The following TBCK variants were observed in gnomAD, a reference collection of about 807,000 sequenced individuals.
The protein encoded by TBCK is TBC domain-containing protein kinase-like protein.
A neutral mutation model predicts 113.4 loss-of-function variants in TBCK; 99 were observed. The observed-to-expected ratio is 0.87, with a 90% CI of 0.74 to 1.03. The LOEUF is 1.03. Ranked by LOEUF, TBCK falls within the 50% of genes least tolerant of loss-of-function variation. The pLI, the probability that TBCK is intolerant of heterozygous loss-of-function variation, is 0.00. For missense variants in TBCK, 1,045 were observed against 1,061.3 expected, an observed-to-expected ratio of 0.98 and a Z score of 0.21; for synonymous variants, 369 against 370.8, an observed-to-expected ratio of 1.00 and a Z score of 0.05.
At chr4:106,238,324 CAA>C (rs1209407184) in intron 12 of TBCK, among the ~76,000 whole-genome samples, 6 of 151,942 alleles carry the variant, frequency 3.9e-5, no homozygotes, top group Non-Finnish European at 4.4e-5. Context: ...TTATGGCAGA[CAA>C]GAGATTCTAA....
intron 23 of TBCK, among the ~76,000 whole-genome samples, chr4:106,154,264 ATATAT>A (rs976807706): frequency 5.3e-5 from 8 of 152,148 alleles, no homozygotes; most frequent in Non-Finnish European, 7.3e-5. Context: ...CTTTCAAATA[ATATAT>A]TATAATCCAT....
At chr4:106,238,721 G>A in intron 12 of TBCK, 1 of 152,128 alleles carries the variant, frequency 6.6e-6, no homozygotes, top group Non-Finnish European at 1.5e-5. Flanking sequence ...TGAACAAACT[G>A]AAAATCAAGA....
chr4:106,294,714 C>T (rs1475136767), intron 3 of TBCK, among the ~76,000 whole-genome samples: 15 of 151,934 alleles, frequency 9.9e-5, no homozygotes, highest in African/African-American at 3.6e-4. Flanking sequence ...ATCTCCTGAC[C>T]TTGTGATCCG....
At chr4:106,091,114 T>A (rs1740174944) in intron 25 of TBCK, among the ~76,000 whole-genome samples, 1 of 152,188 alleles carries the variant, frequency 6.6e-6, no homozygotes, top group Non-Finnish European at 1.5e-5. Flanking sequence ...TAAAAAAAGA[T>A]GGTTAACTGG....
At chr4:106,193,419 C>T (rs1262952080) in intron 22 of TBCK, among the ~76,000 whole-genome samples, 190 bp downstream of exon 22, 1 of 152,026 alleles carries the variant, frequency 6.6e-6, no homozygotes, top group Non-Finnish European at 1.5e-5. Flanking sequence ...GGGTATGACC[C>T]AGATTTGTAT....
intron 3 of TBCK, among the ~76,000 whole-genome samples, chr4:106,274,838 G>A (rs1763841304): frequency 6.6e-6 from 1 of 152,084 alleles, no homozygotes; most frequent in South Asian, 2.1e-4. Context: ...TCAATTTTAA[G>A]AATTCAAAAT....
chr4:106,190,575 A>C (rs1753545877), intron 22 of TBCK, among the ~76,000 whole-genome samples: 1 of 152,212 alleles, frequency 6.6e-6, no homozygotes, highest in African/African-American at 2.4e-5. Context: ...ACTTCAAGTA[A>C]ACTCAAAGCC....
At chr4:106,146,780 T>C (rs561021199) in intron 23 of TBCK, among the ~76,000 whole-genome samples, 42 of 152,272 alleles carry the variant, frequency 2.8e-4, no homozygotes, top group Non-Finnish European at 4.7e-4. Flanking sequence ...ACAGTGAAGT[T>C]TGCTGCATCA....
intron 20 of TBCK, among the ~76,000 whole-genome samples, chr4:106,212,372 T>C (rs1484263419): frequency 2.6e-5 from 4 of 152,156 alleles, no homozygotes. Flanking sequence ...CCAAAATCTA[T>C]CTAAGCTCCC....
chr4:106,278,786 C>T (rs138293378), intron 3 of TBCK, among the ~76,000 whole-genome samples: 2 of 151,822 alleles, frequency 1.3e-5, no homozygotes, highest in Admixed American at 1.3e-4. Context: ...TATAAGATTC[C>T]TATCTTATAT....
intron 1 of TBCK, among the ~76,000 whole-genome samples, chr4:106,314,336 T>C (rs763319901): frequency 7.9e-5 from 12 of 152,116 alleles, no homozygotes; most frequent in Non-Finnish European, 1.5e-4. Context: ...AAGTAACCAA[T>C]ACAAAAACTA....
intron 20 of TBCK, among the ~76,000 whole-genome samples, chr4:106,202,717 G>A (rs1428836037): frequency 3.3e-5 from 5 of 152,020 alleles, no homozygotes; most frequent in African/African-American, 1.2e-4. Context: ...GTGCTCAGAT[G>A]ACAGTCTCTT....
At chr4:106,257,318 CT>C (rs1762097515) in intron 5 of TBCK, among the ~76,000 whole-genome samples, 1 of 152,088 alleles carries the variant, frequency 6.6e-6, no homozygotes. Context: ...AAATTATGTC[CT>C]CTTACAATGA....
At position 106,137,693 on chromosome 4, in the gene TBCK, T is replaced by C. The variant is rs905303941; in HGVS notation, c.2236-21315A>G. Among the ~76,000 whole-genome samples, 3 of 140,576 alleles carry C rather than the reference T, an allele frequency of 2.1e-5. 1 individual carries two copies. The highest frequency in any genetic ancestry group is 4.8e-5 in the Non-Finnish European group (3 of 61,926). 92.2% of individuals were successfully genotyped at this position (140,576 alleles called of 152,430 possible). On this transcript the variant is annotated intron_variant, in intron 23 of 25. Coordinates refer to ENST00000394708, the MANE Select transcript of TBCK (RefSeq NM_001163435.3). ...TAACTATCATACTCTGAAAGCTGCATAGTATAGCTCTCACACTAGAGAGAA... is the reference window on the plus strand; with the variant it reads ...TAACTATCATACTCTGAAAGCTGCACAGTATAGCTCTCACACTAGAGAGAA...
chr4:106,292,061 G>C (rs773882502), intron 3 of TBCK, among the ~76,000 whole-genome samples: 12 of 152,120 alleles, frequency 7.9e-5, no homozygotes, highest in Non-Finnish European at 1.5e-4. Flanking sequence ...TTAAATATCA[G>C]AGAAACTGAA....
intron 3 of TBCK, among the ~76,000 whole-genome samples, chr4:106,290,339 G>C (rs1028124556): frequency 6.6e-6 from 1 of 151,934 alleles, no homozygotes; most frequent in African/African-American, 2.4e-5. Context: ...CACCACGCCT[G>C]GTTAATTTTT....
intron 25 of TBCK, among the ~76,000 whole-genome samples, chr4:106,051,726 T>C (rs1024750881): frequency 6.6e-6 from 1 of 151,838 alleles, no homozygotes; most frequent in Middle Eastern, 3.2e-3. Context: ...GATAAGCATA[T>C]TTGAGATGAA....
In TBCK at chr4:106,179,835, G is replaced by C. The variant is rs538370111; in HGVS notation, c.2060-8565C>G. On this transcript the variant is annotated intron_variant, in intron 22 of 25. Transcript: ENST00000394708. ...ATGACCTGTGTATTGCTAGAAGTGG[G>C]GTGCTGAGTCCCCTTCTATTATAAC... Among the ~76,000 whole-genome samples the C allele has an allele frequency of 3.3e-5, 5 of 151,966 alleles. No homozygotes were observed. In the South Asian group the frequency reaches 1.0e-3, roughly 32 times the overall value.
chr4:106,058,850 T>C (rs1735722648), intron 25 of TBCK, among the ~76,000 whole-genome samples: 1 of 151,586 alleles, frequency 6.6e-6, no homozygotes, highest in African/African-American at 2.4e-5. Context: ...AAGTGAGGGA[T>C]GGGAAGTTGC....
Sources: gnomAD v4.1 joint callset for allele counts (sites outside exome capture counted in the v4.1 genomes callset) on GRCh38, gnomAD v4.1.1 for gene constraint, MANE v1.5 for transcripts, NCBI Gene and HGNC (gene_info 2026-07-23, HGNC 2026-07-21) for gene names.